Variants in ASMT observed in about 807,000 individuals in gnomAD.
ASMT encodes acetylserotonin N-methyltransferase.
Under a neutral mutation model 41.3 loss-of-function variants are expected in ASMT, and 53 were observed. That is an observed-to-expected ratio of 1.28 (90% CI 1.03 to 1.61). The LOEUF (loss-of-function observed/expected upper bound fraction) is 1.61. Ranked by LOEUF, ASMT falls within the 40% of genes most tolerant of loss-of-function variation. The pLI is 0.00. For synonymous variants in ASMT, 231 were observed against 184.8 expected (o/e 1.25, Z -2.03); for missense variants, 531 against 441.3 (o/e 1.20, Z -1.82).
intron 5 of ASMT, among the ~76,000 whole-genome samples, chrX:1,631,750 A>G (rs1287787484): frequency 6.6e-5 from 10 of 151,622 alleles, no homozygotes; most frequent in Admixed American, 2.6e-4. Flanking sequence ...TCCCGTCTCT[A>G]CTAAAAATAC....
intron 1 of ASMT, among the ~76,000 whole-genome samples, chrX:1,619,588 A>AATAATAATAATG (rs1177964970): frequency 4.9e-5 from 7 of 143,662 alleles, no homozygotes; most frequent in African/African-American, 1.6e-4. Flanking sequence ...TAATAATAAT[A>AATAATAATAATG]AAAAGTCTTT....
rs1160890243 is a variant in ASMT at position 1,642,889 on chromosome X, G to C, written c.997G>C (p.Val333Leu). The C allele has an allele frequency of 1.2e-6, 2 of 1,613,976 alleles. No homozygotes were observed. The highest frequency in any genetic ancestry group is 1.1e-5 in the South Asian group (1 of 91,074). ...GCAGCTCTACTCTCTGAACATGCTT[G>C]TGCAGACGGAAGGGCAGGAGAGGAC... is the stretch of plus-strand genomic sequence containing the variant. Reference protein sequence around the residue: ...LTQLYSLNMLVQTEGQERTPT... With the variant: ...LTQLYSLNMLLQTEGQERTPT... Residue 333 changes from valine (V) to leucine (L), a missense_variant, in exon 9 of 9, where the codon GTG becomes CTG. Coordinates refer to ENST00000381241, the MANE Select transcript of ASMT (RefSeq NM_001171038.2).
intron 4 of ASMT, 86 bp from the exon 5 acceptor site, chrX:1,629,735 G>A (rs1183541917): frequency 1.8e-5 from 22 of 1,250,370 alleles, no homozygotes; most frequent in East Asian, 9.3e-5. Context: ...GTATAGCTCC[G>A]TTCTCAACAG....
At chrX:1,640,586 C>T (rs765130971) in intron 8 of ASMT, among the ~76,000 whole-genome samples, 1,748 of 31,138 alleles carry the variant, frequency 0.056, 15 homozygotes, top group Middle Eastern at 0.08. Context: ...ATCCTGATGG[C>T]ACATGAGGAT....
At chrX:1,623,356 C>A in intron 2 of ASMT, 43 bp downstream of exon 2, 4 of 1,607,278 alleles carry the variant, frequency 2.5e-6, no homozygotes, top group Non-Finnish European at 2.6e-6. Context: ...TACATAGACA[C>A]CCTCTGCAGC....
intron 8 of ASMT, 129 bp downstream of exon 8, chrX:1,636,689 C>G: frequency 7.2e-7 from 1 of 1,390,880 alleles, no homozygotes; most frequent in Middle Eastern, 2.5e-4. Flanking sequence ...ATATGGCTTT[C>G]CTTTTAGATA....
rs769982387 is a variant in ASMT at position 1,643,039 on chromosome X, C to T, written c.*25C>T. 27 of 1,606,562 alleles carry T rather than the reference C, an allele frequency of 1.7e-5. No individual in the cohort carries two copies. Among genetic ancestry groups the T allele is most frequent in the East Asian group, 4.5e-5 (2 of 44,882 alleles). Reference sequence around the variant, plus strand: ...ACTGTTTCTTGTGACCTGGAACTAACGTCAAAGCACACAAGACATAATAAT... The same window carrying T: ...ACTGTTTCTTGTGACCTGGAACTAATGTCAAAGCACACAAGACATAATAAT... On this transcript the variant is annotated 3_prime_UTR_variant, in exon 9 of 9. Transcript: ENST00000381241.
At chrX:1,633,421 T>C in intron 7 of ASMT, 131 bp downstream of exon 7, 1 of 1,032,470 alleles carries the variant, frequency 9.7e-7, no homozygotes, top group Non-Finnish European at 1.5e-6. Flanking sequence ...AACTCAACAC[T>C]GTCTGTTATT....
rs763683696 is a variant in ASMT, at chrX:1,615,269, G to A, written c.69+1G>A. 1.3e-6 allele frequency: 2 copies of A among 1,590,306 alleles called. No homozygotes were observed. The highest frequency in any genetic ancestry group is 3.3e-4 in the Middle Eastern group (2 of 6,026). Reference sequence around the variant, plus strand: ...CGCCAACGGCTTCATGGTGTCCCAGGTAGGATACGCTCTGTGGGACAAGGG... The same window carrying A: ...CGCCAACGGCTTCATGGTGTCCCAGATAGGATACGCTCTGTGGGACAAGGG... On this transcript the variant is annotated splice_donor_variant, in intron 1 of 8. Transcript: ENST00000381241. LOFTEE classifies it high-confidence loss of function.
rs1201695119 is a variant in ASMT at position 1,615,884 on chromosome X, T to C, written c.69+616T>C. 3.3e-5 allele frequency among the ~76,000 whole-genome samples: 5 copies of C among 152,164 alleles called. No individual in the cohort carries two copies. In the East Asian group the frequency reaches 7.7e-4, roughly 23 times the overall value. On this transcript the variant is annotated intron_variant, in intron 1 of 8. Coordinates refer to ENST00000381241, the MANE Select transcript of ASMT (RefSeq NM_001171038.2). Reference sequence around the variant, plus strand: ...AGGATTAGAAACAAGACAATGTTTATTGAACTGCAAGTGTTGAAATTTTTA... The same window carrying C: ...AGGATTAGAAACAAGACAATGTTTACTGAACTGCAAGTGTTGAAATTTTTA...
intron 1 of ASMT, among the ~76,000 whole-genome samples, chrX:1,618,486 G>T (rs1486102364): frequency 6.6e-6 from 1 of 151,770 alleles, no homozygotes; most frequent in Admixed American, 6.6e-5. Flanking sequence ...TTTTGGTAGA[G>T]ATGAGGTTTC....
chrX:1,616,981 T>G (rs1362909910), intron 1 of ASMT, among the ~76,000 whole-genome samples: 12 of 152,032 alleles, frequency 7.9e-5, no homozygotes, highest in East Asian at 5.9e-4. Flanking sequence ...GTGCTGGGAT[T>G]ACAGGCGTGA....
intron 1 of ASMT, among the ~76,000 whole-genome samples, chrX:1,620,878 ACT>A (rs1202374196): frequency 1.3e-5 from 2 of 150,756 alleles, no homozygotes; most frequent in Admixed American, 6.6e-5. Flanking sequence ...ACAGAGCGAG[ACT>A]CTGTCTCAAA....
chrX:1,635,723 G>T (rs1413504718), intron 7 of ASMT, among the ~76,000 whole-genome samples: 9 of 151,534 alleles, frequency 5.9e-5, no homozygotes, highest in African/African-American at 1.9e-4. Flanking sequence ...TTAGCCGGGC[G>T]TGGTGGCGGG....
intron 3 of ASMT, among the ~76,000 whole-genome samples, chrX:1,625,758 TC>T (rs1934518780): frequency 1.3e-5 from 2 of 151,164 alleles, no homozygotes; most frequent in Middle Eastern, 3.4e-3. Flanking sequence ...ATCGAGACCA[TC>T]CTGGCTAACA....
intron 1 of ASMT, among the ~76,000 whole-genome samples, chrX:1,622,651 C>T (rs1175160302): frequency 9.9e-5 from 15 of 151,984 alleles, no homozygotes; most frequent in Non-Finnish European, 1.8e-4. Context: ...CAATGGCTCA[C>T]GCCTGTCATC....
At chrX:1,631,963 C>T (rs1300881427) in intron 5 of ASMT, among the ~76,000 whole-genome samples, 2 of 152,164 alleles carry the variant, frequency 1.3e-5, no homozygotes, top group East Asian at 1.9e-4. Flanking sequence ...GCAGGAGAAT[C>T]GCTTGTACCC....
At position 1,615,236 on chromosome X, in the gene ASMT, A is replaced by T; in HGVS notation, c.37A>T (p.Asn13Tyr). Residue 13 changes from asparagine to tyrosine, a missense_variant, in exon 1 of 9, where the codon AAT becomes TAT. Coordinates refer to ENST00000381241, the MANE Select transcript of ASMT (RefSeq NM_001171038.2). ...AGAGGACCAGGCCTATCGCCTCCTT[A>T]ATGACTACGCCAACGGCTTCATGGT... ...SSEDQAYRLL[N>Y]DYANGFMVSQ... 1 of 1,599,210 alleles carries T rather than the reference A, an allele frequency of 6.3e-7. No homozygotes were observed. The highest frequency in any genetic ancestry group is 8.5e-7 in the Non-Finnish European group (1 of 1,172,994).
chrX:1,635,811 G>T (rs1934936928), intron 7 of ASMT, among the ~76,000 whole-genome samples: 1 of 151,766 alleles, frequency 6.6e-6, no homozygotes. Flanking sequence ...GCGGTGAGCT[G>T]AGATCAGGCC....
Sources: allele counts gnomAD v4.1 joint callset (sites outside exome capture counted in the v4.1 genomes callset), GRCh38; gene constraint gnomAD v4.1.1; transcripts MANE v1.5; gene names NCBI Gene and HGNC (gene_info 2026-07-23, HGNC 2026-07-21).